LARGE1: variants seen among roughly 807,000 people sequenced by gnomAD.
LARGE1 encodes LARGE xylosyl- and glucuronyltransferase 1.
In LARGE1, 43 loss-of-function variants were observed where a neutral mutation model predicts 87.6. That is an observed-to-expected ratio of 0.49 (90% confidence interval 0.38 to 0.63). The LOEUF (loss-of-function observed/expected upper bound fraction) is 0.63, where lower values mean the gene tolerates loss of function less well. Ranked by LOEUF, LARGE1 falls within the 30% of genes least tolerant of loss-of-function variation. The probability of loss-of-function intolerance (pLI) is 0.00; values close to 1 mark genes in which losing one functional copy is unlikely to be tolerated. For synonymous variants in LARGE1, 434 were observed against 394.6 expected (o/e 1.10, Z -1.18); for missense variants, 802 against 1,000.2 (o/e 0.80, Z 2.67).
At chr22:33,712,793 C>T (rs1003728796) in intron 2 of LARGE1, among the ~76,000 whole-genome samples, 3 of 152,012 alleles carry the variant, frequency 2.0e-5, no homozygotes, top group African/African-American at 4.8e-5. Context: ...AGCTTGACCC[C>T]CAGCATTCTT....
chr22:33,139,877 A>T, the LARGE1 span, among the ~76,000 whole-genome samples: 1 of 152,160 alleles, frequency 6.6e-6, no homozygotes, highest in African/African-American at 2.4e-5. Context: ...TTCTCTCCCC[A>T]CTTGCAAATA....
At chr22:33,407,936 G>A (rs1477719773) in intron 7 of LARGE1, among the ~76,000 whole-genome samples, 1 of 151,724 alleles carries the variant, frequency 6.6e-6, no homozygotes. Context: ...GAATACACAT[G>A]TCATAGTAAA....
chr22:33,371,084 T>C (rs2064792618), intron 9 of LARGE1, among the ~76,000 whole-genome samples: 4 of 151,048 alleles, frequency 2.6e-5, no homozygotes, highest in Admixed American at 2.6e-4. Context: ...GTTATATGAA[T>C]AATACATATT....
the LARGE1 span, among the ~76,000 whole-genome samples, chr22:33,141,466 A>G: frequency 2.9e-4 from 44 of 152,186 alleles, no homozygotes; most frequent in African/African-American, 1.0e-3. Context: ...ATGGCAAAAT[A>G]ATTTTTTTGT....
chr22:33,455,750 T>C (rs558080113), intron 6 of LARGE1, among the ~76,000 whole-genome samples: 17 of 107,914 alleles, frequency 1.6e-4, no homozygotes, highest in African/African-American at 5.5e-4. Flanking sequence ...TGAAACTCTG[T>C]CTCAGCCAAA....
intron 6 of LARGE1, among the ~76,000 whole-genome samples, chr22:33,466,740 C>A (rs957595459): frequency 7.5e-5 from 11 of 147,380 alleles, no homozygotes; most frequent in African/African-American, 2.5e-4. Flanking sequence ...CACACACACA[C>A]CTTAAGAGTT....
At chr22:33,140,835 C>T in the LARGE1 span, among the ~76,000 whole-genome samples, 2 of 152,118 alleles carry the variant, frequency 1.3e-5, no homozygotes, top group African/African-American at 2.4e-5. Context: ...TGGGACTTCA[C>T]CTTGTGATTG....
At chr22:33,211,099 CATT>C (rs1924940012) in intron 11 of LARGE1, among the ~76,000 whole-genome samples, 2 of 152,030 alleles carry the variant, frequency 1.3e-5, no homozygotes, top group African/African-American at 2.4e-5. Context: ...CAAACTTTTT[CATT>C]ATTATTATAT....
chr22:33,651,364 C>G (rs1602984370), intron 2 of LARGE1, among the ~76,000 whole-genome samples: 1 of 137,384 alleles, frequency 7.3e-6, no homozygotes, highest in South Asian at 2.3e-4. Context: ...TGCACTCCAG[C>G]CTGGGCCAGA....
At position 33,372,656 on chromosome 22, in the gene LARGE1, A is replaced by T. The variant is rs955126850; in HGVS notation, c.1131+9263T>A. Among the ~76,000 whole-genome samples, 78 of 152,190 alleles carry T rather than the reference A, an allele frequency of 5.1e-4. 1 individual carries two copies. Among genetic ancestry groups the T allele is most frequent in the Admixed American group, 2.0e-4 (3 of 15,276 alleles). On this transcript the variant is annotated intron_variant, in intron 9 of 14. Coordinates refer to ENST00000397394, the MANE Select transcript of LARGE1 (RefSeq NM_133642.5). ...ATTATTTCCACCAGGTCCCTCCCAC[A>T]ACATGTGTTAATTGTGGGAGCTACA...
At chr22:33,308,256 A>G (rs1935160566) in intron 11 of LARGE1, among the ~76,000 whole-genome samples, 1 of 152,106 alleles carries the variant, frequency 6.6e-6, no homozygotes, top group Non-Finnish European at 1.5e-5. Context: ...GGCAGTGATC[A>G]CTCAGTGTCT....
At chr22:33,270,995 G>A (rs1180231991), downstream of LARGE1, among the ~76,000 whole-genome samples, 1 of 152,166 alleles carries the variant, frequency 6.6e-6, no homozygotes, top group Non-Finnish European at 1.5e-5. Flanking sequence ...AGCATTCAGA[G>A]AATCAATTAC....
intron 6 of LARGE1, among the ~76,000 whole-genome samples, chr22:33,504,418 C>T (rs2070665479): frequency 6.6e-6 from 1 of 152,176 alleles, no homozygotes; most frequent in Non-Finnish European, 1.5e-5. Flanking sequence ...CACCGCCATC[C>T]CCGGCTAATT....
chr22:33,895,255 CCACT>C (rs1246939515), intron 1 of LARGE1, among the ~76,000 whole-genome samples: 1 of 152,094 alleles, frequency 6.6e-6, no homozygotes, highest in African/African-American at 2.4e-5. Context: ...GGCCATCTGC[CCACT>C]CACAGAGGAC....
At chr22:33,191,182 A>T (rs1335738948) in intron 11 of LARGE1, among the ~76,000 whole-genome samples, 1 of 152,202 alleles carries the variant, frequency 6.6e-6, no homozygotes, top group Non-Finnish European at 1.5e-5. Flanking sequence ...ACAACTGCCC[A>T]TAGGGTTTCA....
intron 9 of LARGE1, among the ~76,000 whole-genome samples, chr22:33,378,122 G>A (rs941875624): frequency 1.3e-5 from 2 of 152,040 alleles, no homozygotes; most frequent in African/African-American, 4.8e-5. Context: ...TGCTTTCCTT[G>A]TAACTTCCCC....
chr22:33,515,133 T>C (rs1329157586), intron 6 of LARGE1, among the ~76,000 whole-genome samples: 1 of 142,888 alleles, frequency 7.0e-6, no homozygotes, highest in Non-Finnish European at 1.5e-5. Flanking sequence ...AAAAAAAAAA[T>C]AAAAAATAAA....
intron 8 of LARGE1, among the ~76,000 whole-genome samples, chr22:33,383,318 G>A (rs2065217733): frequency 6.6e-6 from 1 of 152,150 alleles, no homozygotes. Context: ...CCAGCACTTT[G>A]GGAGGCTGAG....
chr22:33,266,499 C>T lies in LARGE1; in HGVS notation c.1730+37730G>A, dbSNP rs1927949447. On this transcript the variant is annotated intron_variant, in intron 11 of 11. Coordinates refer to the LARGE1 transcript ENST00000608642. ...TCGGCCTCCCGAAGTGCTGGGATTA[C>T]AGGCATGAGCCACAGTGCCGAGCCA... 2.0e-5 allele frequency among the ~76,000 whole-genome samples: 3 copies of T among 151,902 alleles called. No individual in the cohort carries two copies. The South Asian group carries it at 6.2e-4, about 31-fold the overall frequency.
Sources: allele counts gnomAD v4.1 joint callset (sites outside exome capture counted in the v4.1 genomes callset), GRCh38; gene constraint gnomAD v4.1.1; transcripts MANE v1.5; gene names NCBI Gene and HGNC (gene_info 2026-07-23, HGNC 2026-07-21).